DTNBP1: variants seen among roughly 807,000 people sequenced by gnomAD.
DTNBP1 encodes dysbindin.
DTNBP1 carries 35 observed loss-of-function variants against 42.8 expected under a neutral mutation model. That is an observed-to-expected ratio of 0.82 (90% CI 0.63 to 1.09). The LOEUF is 1.09. Ranked by LOEUF, DTNBP1 falls within the 50% of genes least tolerant of loss-of-function variation. The pLI is 0.00. For synonymous variants in DTNBP1, 171 were observed against 162.2 expected (o/e 1.05, Z -0.41); for missense variants, 457 against 424.2 (o/e 1.08, Z -0.68).
Position 15,524,558 on chromosome 6 carries a change from C to A in DTNBP1, c.779G>T (p.Gly260Val). ...EALDVFLNSGGEENTVLSPAL... is the reference protein window; with the variant it reads ...EALDVFLNSGVEENTVLSPAL... ...GGGGGACAGCACAGTGTTCTCTTCT[C>A]CTCCAGAGTTCAGGAAGACGTCCAG... Residue 260 changes from glycine (G) to valine (V), a missense_variant, in exon 9 of 10, where the codon GGA becomes GTA. Physicochemically the swap from Gly to Val is moderately radical, Grantham distance 109 (BLOSUM62 -3). Transcript: ENST00000344537. 1 of 1,610,442 alleles carries A rather than the reference C, an allele frequency of 6.2e-7. No homozygotes were observed. The highest frequency in any genetic ancestry group is 1.1e-5 in the South Asian group (1 of 90,572).
At chr6:15,530,613 C>T (rs1330143665) in intron 8 of DTNBP1, among the ~76,000 whole-genome samples, 1 of 152,024 alleles carries the variant, frequency 6.6e-6, no homozygotes, top group Non-Finnish European at 1.5e-5. Context: ...GGCTGGCCAT[C>T]AACAGAAGCT....
intron 8 of DTNBP1, among the ~76,000 whole-genome samples, chr6:15,526,412 G>A (rs1465666818): frequency 6.6e-6 from 1 of 152,252 alleles, no homozygotes; most frequent in Non-Finnish European, 1.5e-5. Context: ...CTTCATCTGG[G>A]AGGAAAGTGA....
intron 1 of DTNBP1, among the ~76,000 whole-genome samples, chr6:15,653,819 G>A (rs1203280320): frequency 6.6e-6 from 1 of 152,200 alleles, no homozygotes; most frequent in African/African-American, 2.4e-5. Context: ...TGTAAAAACA[G>A]AAATAGCTGC....
intron 9 of DTNBP1, chr6:15,524,150 G>A (rs1445757275): frequency 4.3e-6 from 6 of 1,407,578 alleles, no homozygotes; most frequent in Non-Finnish European, 5.6e-6. Flanking sequence ...CCTGTCGCAC[G>A]AAGAGGGAAG....
At chr6:15,544,905 T>C (rs1351599038) in intron 7 of DTNBP1, among the ~76,000 whole-genome samples, 2 of 152,260 alleles carry the variant, frequency 1.3e-5, no homozygotes, top group African/African-American at 4.8e-5. Context: ...AATTGCTGTT[T>C]CCAAAGGTAC....
At chr6:15,615,226 C>T (rs778020169) in intron 6 of DTNBP1, 41 bp downstream of exon 6, 24 of 1,613,806 alleles carry the variant, frequency 1.5e-5, no homozygotes, top group Middle Eastern at 1.6e-4. Context: ...TGGAAAACTT[C>T]GAGACTGGAA....
chr6:15,590,172 G>T (rs1246811373), intron 7 of DTNBP1, among the ~76,000 whole-genome samples: 1 of 152,192 alleles, frequency 6.6e-6, no homozygotes, highest in African/African-American at 2.4e-5. Context: ...GACCTCAAGT[G>T]ATCCGCTTGC....
intron 8 of DTNBP1, among the ~76,000 whole-genome samples, chr6:15,526,115 T>C (rs1007711186): frequency 1.1e-4 from 17 of 152,186 alleles, no homozygotes; most frequent in Non-Finnish European, 2.9e-5. Context: ...GAGAGAAATG[T>C]CATCTCTAAA....
At chr6:15,552,299 C>T (rs557644355) in intron 7 of DTNBP1, among the ~76,000 whole-genome samples, 1 of 152,196 alleles carries the variant, frequency 6.6e-6, no homozygotes, top group Non-Finnish European at 1.5e-5. Flanking sequence ...GAACTCCTCC[C>T]CCAAATTCAT....
chr6:15,539,247 CTG>C (rs1210622809), intron 7 of DTNBP1, among the ~76,000 whole-genome samples: 1 of 152,242 alleles, frequency 6.6e-6, no homozygotes, highest in Non-Finnish European at 1.5e-5. Flanking sequence ...AGTATTTCCT[CTG>C]TGCATTCTGC....
At chr6:15,561,372 C>G (rs765542225) in intron 7 of DTNBP1, among the ~76,000 whole-genome samples, 5 of 152,130 alleles carry the variant, frequency 3.3e-5, no homozygotes, top group Admixed American at 6.5e-5. Context: ...TGTCATTGTG[C>G]TCTTTGTGTA....
At chr6:15,599,554 C>T (rs1030581838) in intron 6 of DTNBP1, among the ~76,000 whole-genome samples, 2 of 152,112 alleles carry the variant, frequency 1.3e-5, no homozygotes, top group African/African-American at 4.8e-5. Context: ...AACTCAGAGC[C>T]ACCCCAAAAC....
At chr6:15,628,655 T>C (rs551311416) in intron 4 of DTNBP1, among the ~76,000 whole-genome samples, 1 of 152,144 alleles carries the variant, frequency 6.6e-6, no homozygotes, top group East Asian at 1.9e-4. Flanking sequence ...AATCCACCCA[T>C]CTTGGCCTCC....
At chr6:15,523,799 C>A in intron 9 of DTNBP1, 1 of 1,287,230 alleles carries the variant, frequency 7.8e-7, no homozygotes, top group Non-Finnish European at 1.0e-6. Flanking sequence ...CAAGCTCCTT[C>A]TCTTCCCCAG....
Position 15,578,005 on chromosome 6 carries a change from A to G in DTNBP1, c.511+15054T>C, listed in dbSNP as rs543818199. 3.3e-5 allele frequency among the ~76,000 whole-genome samples: 5 copies of G among 152,264 alleles called. No individual in the cohort carries two copies. The South Asian group carries it at 1.0e-3, about 32-fold the overall frequency. ...GGATTAAGGAAAAGAATAGTGAAGT[A>G]TGTGGACAGTACGAACAACTGCCAG... On this transcript the variant is annotated intron_variant, in intron 7 of 9. Coordinates refer to ENST00000344537, the MANE Select transcript of DTNBP1 (RefSeq NM_032122.5).
chr6:15,546,985 T>C (rs553348698), intron 7 of DTNBP1, among the ~76,000 whole-genome samples: 1 of 150,574 alleles, frequency 6.6e-6, no homozygotes, highest in Non-Finnish European at 1.5e-5. Context: ...CTTTGTGTTA[T>C]GGATATTTAG....
chr6:15,649,290 C>A (rs558211279), intron 3 of DTNBP1, among the ~76,000 whole-genome samples: 1 of 152,022 alleles, frequency 6.6e-6, no homozygotes, highest in Non-Finnish European at 1.5e-5. Context: ...GATGAATAAA[C>A]AAAATATGGT....
rs563996268 is a variant in DTNBP1 at position 15,565,585 on chromosome 6, C to T, written c.511+27474G>A. Among the ~76,000 whole-genome samples the T allele has an allele frequency of 2.1e-3, 323 of 152,186 alleles. 1 individual carries two copies. Among genetic ancestry groups the T allele is most frequent in the African/African-American group, 7.5e-3 (313 of 41,506 alleles). On this transcript the variant is annotated intron_variant, in intron 7 of 9. Transcript: ENST00000344537. ...AGTGAAAGAAGCCAAATACAAAAGA[C>T]TATACGTAACATAGGATTCTGGACA...
At position 15,524,695 on chromosome 6, in the gene DTNBP1, G is replaced by A. The variant is rs147829659; in HGVS notation, c.668-26C>T. On this transcript the variant is annotated intron_variant, in intron 8 of 9. Transcript: ENST00000344537. Reference sequence around the variant, plus strand: ...CTGCGGATAGATCAACACGAGAAAGGACACGCTGTCTTTAATATTACTTTA... The same window carrying A: ...CTGCGGATAGATCAACACGAGAAAGAACACGCTGTCTTTAATATTACTTTA... The A allele has an allele frequency of 2.1e-4, 343 of 1,609,730 alleles. 1 individual carries two copies. The East Asian group carries it at 4.7e-3, about 22-fold the overall frequency.
Sources: allele counts gnomAD v4.1 joint callset (sites outside exome capture counted in the v4.1 genomes callset), GRCh38; gene constraint gnomAD v4.1.1; transcripts MANE v1.5; gene names NCBI Gene and HGNC (gene_info 2026-07-23, HGNC 2026-07-21).